RBFOX1: variants seen among roughly 807,000 people sequenced by gnomAD.
RBFOX1 encodes RNA binding protein fox-1 homolog 1.
A neutral mutation model predicts 57.7 loss-of-function variants in RBFOX1; 8 were observed. The observed-to-expected ratio is 0.14, with a 90% CI of 0.08 to 0.25. RBFOX1 has a LOEUF of 0.25. Among genes scored for constraint, RBFOX1 ranks in the 10% least tolerant of loss-of-function variants. The pLI, the probability that RBFOX1 is intolerant of heterozygous loss-of-function variation, is 1.00. For synonymous variants in RBFOX1, 326 were observed against 222.4 expected (o/e 1.47, Z -4.15); for missense variants, 611 against 548.5 (o/e 1.11, Z -1.14).
intron 4 of RBFOX1, among the ~76,000 whole-genome samples, chr16:7,359,796 A>G (rs1025418376): frequency 6.6e-6 from 1 of 152,150 alleles, no homozygotes; most frequent in African/African-American, 2.4e-5. Flanking sequence ...CATCCTGGCT[A>G]ACATGGTGAA....
intron 4 of RBFOX1, among the ~76,000 whole-genome samples, chr16:7,514,940 C>G (rs1010568855): frequency 1.3e-5 from 2 of 152,170 alleles, no homozygotes; most frequent in African/African-American, 4.8e-5. Context: ...GGAGGGAAAC[C>G]TTTGTCTTCA....
At chr16:7,290,803 G>A (rs556990369) in intron 4 of RBFOX1, among the ~76,000 whole-genome samples, 2 of 152,284 alleles carry the variant, frequency 1.3e-5, no homozygotes, top group African/African-American at 2.4e-5. Flanking sequence ...AACACTCGCT[G>A]TAATGTTTAG....
chr16:6,890,782 C>G (rs181133302), intron 3 of RBFOX1, among the ~76,000 whole-genome samples: 10 of 152,150 alleles, frequency 6.6e-5, no homozygotes, highest in Non-Finnish European at 1.5e-4. Flanking sequence ...TTTTAACCTA[C>G]GTACCCACTC....
At chr16:7,439,728 G>C (rs2191393) in intron 4 of RBFOX1, among the ~76,000 whole-genome samples, 2,822 of 152,204 alleles carry the variant, frequency 0.019, 98 homozygotes, top group African/African-American at 0.065. Flanking sequence ...ATTGCTAATG[G>C]ATGTGTCTTT....
intron 2 of RBFOX1, among the ~76,000 whole-genome samples, chr16:6,369,706 T>A (rs1317288651): frequency 6.6e-6 from 1 of 152,222 alleles, no homozygotes; most frequent in African/African-American, 2.4e-5. Context: ...TTTCTACACC[T>A]TCTATGTACG....
intron 1 of RBFOX1, among the ~76,000 whole-genome samples, chr16:5,336,433 C>G (rs888938291): frequency 6.6e-6 from 1 of 152,170 alleles, no homozygotes; most frequent in Admixed American, 6.5e-5. Context: ...AGTCTCCTTA[C>G]AGGACTTCCG....
At chr16:5,559,174 A>C (rs1278565304) in intron 2 of RBFOX1, among the ~76,000 whole-genome samples, 1 of 151,030 alleles carries the variant, frequency 6.6e-6, no homozygotes, top group African/African-American at 2.4e-5. Flanking sequence ...GCAAAAAAAA[A>C]AAAAAAAAAA....
intron 4 of RBFOX1, among the ~76,000 whole-genome samples, chr16:5,987,311 A>C (rs1249403477): frequency 2.0e-5 from 3 of 152,234 alleles, no homozygotes; most frequent in African/African-American, 4.8e-5. Context: ...GTGGTTTACA[A>C]ATATTTTCCC....
intron 4 of RBFOX1, among the ~76,000 whole-genome samples, chr16:7,142,485 A>T (rs1039100848): frequency 6.6e-6 from 1 of 151,970 alleles, no homozygotes; most frequent in African/African-American, 2.4e-5. Flanking sequence ...ACAATTTAAG[A>T]TTGTGTCCTA....
At chr16:5,684,543 ATTTCTCTT>A (rs2050444220) in intron 3 of RBFOX1, among the ~76,000 whole-genome samples, 1 of 152,164 alleles carries the variant, frequency 6.6e-6, no homozygotes, top group African/African-American at 2.4e-5. Flanking sequence ...AAACACCTAC[ATTTCTCTT>A]GGTTCCCTCA....
intron 1 of RBFOX1, among the ~76,000 whole-genome samples, chr16:5,446,309 C>G (rs1231277658): frequency 6.6e-6 from 1 of 151,872 alleles, no homozygotes; most frequent in Non-Finnish European, 1.5e-5. Context: ...ATGCAGAAGA[C>G]CCGAAAAAGG....
At chr16:5,409,511 G>A (rs1041501575) in intron 1 of RBFOX1, among the ~76,000 whole-genome samples, 1 of 152,158 alleles carries the variant, frequency 6.6e-6, no homozygotes, top group Admixed American at 6.5e-5. Context: ...TCCTTTAAAA[G>A]CCTTCTTTGA....
chr16:5,299,923 T>C (rs1269125661), intron 1 of RBFOX1, among the ~76,000 whole-genome samples: 1 of 152,196 alleles, frequency 6.6e-6, no homozygotes, highest in East Asian at 1.9e-4. Flanking sequence ...GCTGTAGTTT[T>C]TTTTAATAGA....
intron 1 of RBFOX1, among the ~76,000 whole-genome samples, chr16:5,424,895 CTT>C (rs1278928829): frequency 2.3e-5 from 2 of 87,154 alleles, no homozygotes; most frequent in Non-Finnish European, 4.6e-5. Context: ...TTCTTTCTTT[CTT>C]TCTTTCTTTC....
intron 4 of RBFOX1, among the ~76,000 whole-genome samples, chr16:6,002,641 G>A (rs914525497): frequency 1.3e-5 from 2 of 152,138 alleles, no homozygotes; most frequent in African/African-American, 2.4e-5. Context: ...TTCTCCTACC[G>A]TTCTGTGTTT....
At chr16:5,766,323 A>C (rs922270684) in intron 3 of RBFOX1, among the ~76,000 whole-genome samples, 1 of 152,134 alleles carries the variant, frequency 6.6e-6, no homozygotes, top group African/African-American at 2.4e-5. Flanking sequence ...ACGGTGGCTC[A>C]CGCCTGTAAT....
chr16:5,676,861 C>CAA lies in RBFOX1; in HGVS notation c.318+77910_318+77911dup, dbSNP rs35849297. ...TGGGCAACAGAGCAAGACTCCACCTCAAAAAAAAAAAGTGCTCAGAACAGT... is the reference window on the plus strand; with the variant it reads ...TGGGCAACAGAGCAAGACTCCACCTCAAAAAAAAAAAAAGTGCTCAGAACAGT... On this transcript the variant is annotated intron_variant, in intron 3 of 19. Transcript: ENST00000641259. 1.6e-4 allele frequency among the ~76,000 whole-genome samples: 23 copies of CAA among 145,778 alleles called. No individual in the cohort carries two copies. In the East Asian group the frequency reaches 3.0e-3, roughly 19 times the overall value.
chr16:5,379,443 A>T (rs1454893575), intron 1 of RBFOX1, among the ~76,000 whole-genome samples: 2 of 147,270 alleles, frequency 1.4e-5, no homozygotes, highest in Non-Finnish European at 2.9e-5. Context: ...CTCTAATGGA[A>T]AGTGTGTCTG....
intron 2 of RBFOX1, among the ~76,000 whole-genome samples, chr16:6,562,880 C>CTTTTT (rs71145250): frequency 1.9e-5 from 1 of 51,778 alleles, no homozygotes; most frequent in Non-Finnish European, 3.9e-5. Flanking sequence ...TTCTTTCTTT[C>CTTTTT]TTTTTTTTTT....
Sources: allele counts gnomAD v4.1 joint callset (sites outside exome capture counted in the v4.1 genomes callset), GRCh38; gene constraint gnomAD v4.1.1; transcripts MANE v1.5; gene names NCBI Gene and HGNC (gene_info 2026-07-23, HGNC 2026-07-21).